RALGAPA1: variants seen among roughly 807,000 people sequenced by gnomAD.
The protein encoded by RALGAPA1 is Ral GTPase activating protein catalytic subunit alpha 1, also known as ral GTPase-activating protein subunit alpha-1.
A neutral mutation model predicts 269.6 loss-of-function variants in RALGAPA1; 52 were observed. That is an observed-to-expected ratio of 0.19 (90% CI 0.15 to 0.24). The LOEUF is 0.24. Among genes scored for constraint, RALGAPA1 ranks in the 10% least tolerant of loss-of-function variants. RALGAPA1 has a pLI of 1.00. For synonymous variants in RALGAPA1, 817 were observed against 1,008.3 expected (o/e 0.81, Z 3.60); for missense variants, 1,917 against 3,013.9 (o/e 0.64, Z 8.52).
chr14:35,542,112 T>C, intron 41 of RALGAPA1: 1 of 724,610 alleles, frequency 1.4e-6, no homozygotes, highest in South Asian at 1.6e-5. Flanking sequence ...CCTTTTAAAG[T>C]GTTCACTGTA....
intron 12 of RALGAPA1, among the ~76,000 whole-genome samples, chr14:35,734,528 T>C (rs1027238634): frequency 6.6e-6 from 1 of 152,146 alleles, no homozygotes; most frequent in Non-Finnish European, 1.5e-5. Flanking sequence ...TGGATCCTCA[T>C]CTCTAATCTT....
intron 26 of RALGAPA1, among the ~76,000 whole-genome samples, chr14:35,665,320 C>T (rs2063841843): frequency 6.6e-6 from 1 of 152,120 alleles, no homozygotes; most frequent in African/African-American, 2.4e-5. Flanking sequence ...CATCTTTTTT[C>T]CTTAGCTGTA....
intron 33 of RALGAPA1, 139 bp from the exon 34 acceptor site, chr14:35,628,090 G>T: frequency 1.0e-6 from 1 of 994,902 alleles, no homozygotes. Context: ...CAGTAATGAT[G>T]GCAAAAAAGG....
At chr14:35,585,191 C>T (rs563862982) in intron 37 of RALGAPA1, among the ~76,000 whole-genome samples, 51 of 152,288 alleles carry the variant, frequency 3.3e-4, no homozygotes, top group Non-Finnish European at 6.3e-4. Flanking sequence ...ACTGACATAA[C>T]TTCAAACTCA....
At chr14:35,657,192 C>G (rs926555133) in intron 28 of RALGAPA1, among the ~76,000 whole-genome samples, 102 of 144,076 alleles carry the variant, frequency 7.1e-4, no homozygotes, top group African/African-American at 2.4e-3. Context: ...TTTCTTTTTT[C>G]TTTTTTTTTT....
intron 40 of RALGAPA1, among the ~76,000 whole-genome samples, chr14:35,548,740 T>C (rs2054687449): frequency 6.6e-6 from 1 of 152,188 alleles, no homozygotes; most frequent in Admixed American, 6.5e-5. Flanking sequence ...GCTTTAGCTG[T>C]AAAATCAGAG....
intron 39 of RALGAPA1, among the ~76,000 whole-genome samples, chr14:35,559,357 T>C (rs116948706): frequency 6.6e-6 from 1 of 152,194 alleles, no homozygotes; most frequent in Non-Finnish European, 1.5e-5. Context: ...AATCCCGAAA[T>C]AGCATCTGAA....
chr14:35,644,490 G>A (rs1307538836), intron 31 of RALGAPA1, among the ~76,000 whole-genome samples: 1 of 152,132 alleles, frequency 6.6e-6, no homozygotes, highest in African/African-American at 2.4e-5. Context: ...AAGTGGGAAA[G>A]GGGGACTACG....
chr14:35,731,095 C>T (rs1315036240), intron 12 of RALGAPA1, among the ~76,000 whole-genome samples: 8 of 152,146 alleles, frequency 5.3e-5, no homozygotes, highest in Admixed American at 1.3e-4. Flanking sequence ...AGCCTGGAGC[C>T]GGGGAGACTA....
intron 6 of RALGAPA1, among the ~76,000 whole-genome samples, chr14:35,758,881 AGGTGGGAG>A (rs2073434724): frequency 1.3e-5 from 2 of 152,304 alleles, no homozygotes; most frequent in South Asian, 4.1e-4. Context: ...TGGGAGGTTA[AGGTGGGAG>A]GACTGCTTGA....
chr14:35,575,516 T>C (rs141401520), intron 37 of RALGAPA1, among the ~76,000 whole-genome samples: 27 of 152,340 alleles, frequency 1.8e-4, no homozygotes, highest in African/African-American at 6.3e-4. Context: ...TGCCACCATA[T>C]GCCTGATAAG....
chr14:35,634,695 G>A lies in RALGAPA1; in HGVS notation c.5874C>T (p.Ser1958=). 1.2e-6 allele frequency: 2 copies of A among 1,613,228 alleles called. No individual in the cohort carries two copies. Among genetic ancestry groups the A allele is most frequent in the Non-Finnish European group, 1.7e-6 (2 of 1,179,466 alleles). ...AATCTACAGATGCCAAATCAGAGAG[G>A]CTCATGGGAAAATACCTTGGATTGC... ...CFSNPRYFPM[S]LSDLASVDYD... is the part of the protein sequence containing the mutation. The change falls in exon 33 of 42, where the codon AGC becomes AGT. Residue 1958 remains serine (S), a synonymous_variant. Coordinates refer to ENST00000680220, the MANE Select transcript of RALGAPA1 (RefSeq NM_001346249.2).
Sources: allele counts gnomAD v4.1 joint callset (sites outside exome capture counted in the v4.1 genomes callset), GRCh38; gene constraint gnomAD v4.1.1; transcripts MANE v1.5; gene names NCBI Gene and HGNC (gene_info 2026-07-23, HGNC 2026-07-21).